MAGI2: variants seen among roughly 807,000 people sequenced by gnomAD.
MAGI2 encodes the protein membrane-associated guanylate kinase, WW and PDZ domain-containing protein 2.
Under a neutral mutation model 133.3 loss-of-function variants are expected in MAGI2, and 35 were observed. That is an observed-to-expected ratio of 0.26 (90% CI 0.20 to 0.35). MAGI2 has a LOEUF of 0.35. Among genes scored for constraint, MAGI2 ranks in the 10% least tolerant of loss-of-function variants. The pLI is 1.00. For missense variants in MAGI2, 1,636 were observed against 1,863.4 expected (o/e 0.88, Z 2.25); for synonymous variants, 729 against 710.6 (o/e 1.03, Z -0.41).
At chr7:78,887,925 G>T (rs1438153693) in intron 2 of MAGI2, among the ~76,000 whole-genome samples, 8 of 152,206 alleles carry the variant, frequency 5.3e-5, no homozygotes, top group African/African-American at 1.9e-4. Flanking sequence ...CCATAGCAGG[G>T]TGAGCCATTG....
intron 6 of MAGI2, among the ~76,000 whole-genome samples, chr7:78,442,224 C>T (rs1003575418): frequency 6.6e-6 from 1 of 152,208 alleles, no homozygotes; most frequent in Admixed American, 6.6e-5. Flanking sequence ...TGGAGACCTC[C>T]ATTCTTCTTT....
intron 6 of MAGI2, among the ~76,000 whole-genome samples, chr7:78,439,330 C>G (rs1176098593): frequency 6.6e-6 from 1 of 152,178 alleles, no homozygotes; most frequent in African/African-American, 2.4e-5. Context: ...AAGGAACTTA[C>G]AGTCAAGCTA....
chr7:79,136,046 A>C (rs1353316082), intron 1 of MAGI2, among the ~76,000 whole-genome samples: 1 of 137,406 alleles, frequency 7.3e-6, no homozygotes, highest in Non-Finnish European at 1.5e-5. Flanking sequence ...AGAAAGAAAG[A>C]AGGAAAGAAA....
intron 7 of MAGI2, among the ~76,000 whole-genome samples, chr7:78,351,134 T>C (rs1264458345): frequency 1.3e-5 from 2 of 152,128 alleles, no homozygotes; most frequent in Non-Finnish European, 1.5e-5. Context: ...AAATATTTAC[T>C]GAATAAATAC....
At chr7:79,365,885 A>AAAAAAAAAAAAAAT in intron 1 of MAGI2, among the ~76,000 whole-genome samples, 1 of 149,058 alleles carries the variant, frequency 6.7e-6, no homozygotes. Flanking sequence ...AAAAAAAAAA[A>AAAAAAAAAAAAAAT]AAAAAGTAAC....
intron 10 of MAGI2, among the ~76,000 whole-genome samples, chr7:78,246,008 C>T (rs966370436): frequency 9.2e-5 from 14 of 152,126 alleles, no homozygotes; most frequent in African/African-American, 2.9e-4. Flanking sequence ...CATCCCTGAG[C>T]GGAGCTGCTA....
intron 1 of MAGI2, among the ~76,000 whole-genome samples, chr7:79,127,803 A>G (rs1820564145): frequency 6.6e-6 from 1 of 152,252 alleles, no homozygotes; most frequent in Middle Eastern, 3.4e-3. Flanking sequence ...CTTTACTTTA[A>G]TTAGATCCCA....
At chr7:79,083,748 ATTC>A (rs1200043164) in intron 1 of MAGI2, among the ~76,000 whole-genome samples, 3 of 151,670 alleles carry the variant, frequency 2.0e-5, no homozygotes, top group Non-Finnish European at 4.4e-5. Context: ...ACTGGTGTTA[ATTC>A]TTCTTTAAAA....
At chr7:78,880,106 C>T (rs1344055095) in intron 2 of MAGI2, among the ~76,000 whole-genome samples, 2 of 149,742 alleles carry the variant, frequency 1.3e-5, no homozygotes, top group East Asian at 4.0e-4. Context: ...TACTGGCATT[C>T]CTGAAAGAGA....
chr7:78,314,495 A>G (rs2151103411), intron 9 of MAGI2, among the ~76,000 whole-genome samples: 1 of 152,292 alleles, frequency 6.6e-6, no homozygotes, highest in African/African-American at 2.4e-5. Context: ...AAAAAGATGG[A>G]CTTCACTTAT....
intron 2 of MAGI2, among the ~76,000 whole-genome samples, chr7:78,932,582 C>T (rs1361753696): frequency 2.0e-5 from 3 of 151,452 alleles, no homozygotes; most frequent in African/African-American, 7.3e-5. Context: ...ATCTTAGTGT[C>T]ACAGTGAACA....
At chr7:78,825,043 A>G (rs867313563) in intron 2 of MAGI2, among the ~76,000 whole-genome samples, 1 of 152,138 alleles carries the variant, frequency 6.6e-6, no homozygotes, top group Non-Finnish European at 1.5e-5. Flanking sequence ...AGGGAGGGGA[A>G]CAACATACAC....
intron 1 of MAGI2, among the ~76,000 whole-genome samples, chr7:79,269,163 C>T (rs1466251033): frequency 1.3e-5 from 2 of 152,152 alleles, no homozygotes; most frequent in Non-Finnish European, 2.9e-5. Context: ...TAGCAGTTCT[C>T]TCCGCTTTTT....
chr7:79,211,889 C>T (rs758032253), intron 1 of MAGI2, among the ~76,000 whole-genome samples: 1 of 151,874 alleles, frequency 6.6e-6, no homozygotes, highest in African/African-American at 2.4e-5. Flanking sequence ...TGAGTTTAAG[C>T]CAGCTACTTG....
intron 9 of MAGI2, among the ~76,000 whole-genome samples, chr7:78,271,399 A>G (rs371980973): frequency 6.6e-6 from 1 of 152,132 alleles, no homozygotes; most frequent in African/African-American, 2.4e-5. Context: ...CACCAGGGAT[A>G]TTGGCCTGAA....
chr7:79,294,717 G>A (rs897545282), intron 1 of MAGI2, among the ~76,000 whole-genome samples: 1 of 128,840 alleles, frequency 7.8e-6, no homozygotes, highest in South Asian at 2.5e-4. Context: ...TTATATTTTG[G>A]TAGCTTTTTT....
At chr7:79,219,774 A>G (rs1354372549) in intron 1 of MAGI2, among the ~76,000 whole-genome samples, 1 of 151,972 alleles carries the variant, frequency 6.6e-6, no homozygotes, top group Non-Finnish European at 1.5e-5. Flanking sequence ...TCAGTATTTG[A>G]GAGTCTCAAT....
At chr7:79,021,007 G>C (rs2116691438) in intron 1 of MAGI2, among the ~76,000 whole-genome samples, 1 of 152,336 alleles carries the variant, frequency 6.6e-6, no homozygotes, top group Admixed American at 6.5e-5. Context: ...GCTGAAAGAA[G>C]CAAAGGTACA....
rs575780323 is a variant in MAGI2, at chr7:79,081,611, A to T, written c.302-74405T>A. 3.9e-5 allele frequency among the ~76,000 whole-genome samples: 6 copies of T among 152,284 alleles called. No homozygotes were observed. In the East Asian group the frequency reaches 1.2e-3, roughly 29 times the overall value. ...AATTCTTGCTAGTCTATGTTAACTAACAATTATCTTGGATATGAACTGTTA... is the reference window on the plus strand; with the variant it reads ...AATTCTTGCTAGTCTATGTTAACTATCAATTATCTTGGATATGAACTGTTA... On this transcript the variant is annotated intron_variant, in intron 1 of 21. Coordinates refer to ENST00000354212, the MANE Select transcript of MAGI2 (RefSeq NM_012301.4).
Sources: gnomAD v4.1 joint callset for allele counts (sites outside exome capture counted in the v4.1 genomes callset) on GRCh38, gnomAD v4.1.1 for gene constraint, MANE v1.5 for transcripts, NCBI Gene and HGNC (gene_info 2026-07-23, HGNC 2026-07-21) for gene names.